Variants in NUBPL observed in about 807,000 individuals in gnomAD.
The protein encoded by NUBPL is iron-sulfur cluster transfer protein NUBPL.
A neutral mutation model predicts 45.7 loss-of-function variants in NUBPL; 31 were observed. That is an observed-to-expected ratio of 0.68 (90% CI 0.51 to 0.92). NUBPL has a LOEUF of 0.92. NUBPL is among the 40% of genes least tolerant of loss of function. The probability of loss-of-function intolerance (pLI) is 0.00; values close to 1 mark genes in which losing one functional copy is unlikely to be tolerated. For synonymous variants in NUBPL, 144 were observed against 140.9 expected (o/e 1.02, Z -0.15); for missense variants, 401 against 398.7 (o/e 1.01, Z -0.05).
chr14:31,696,287 G>A (rs2037213302), intron 6 of NUBPL, among the ~76,000 whole-genome samples: 1 of 152,204 alleles, frequency 6.6e-6, no homozygotes, highest in Admixed American at 6.5e-5. Flanking sequence ...CTTTGGAAGA[G>A]GAAGGTACTT....
At chr14:31,717,607 G>A (rs2037717864) in intron 6 of NUBPL, among the ~76,000 whole-genome samples, 2 of 152,080 alleles carry the variant, frequency 1.3e-5, no homozygotes, top group Non-Finnish European at 2.9e-5. Flanking sequence ...TTAGAATTTT[G>A]AAGCTTGCTT....
intron 3 of NUBPL, among the ~76,000 whole-genome samples, chr14:31,583,628 A>C (rs1046387223): frequency 6.6e-6 from 1 of 152,220 alleles, no homozygotes; most frequent in Non-Finnish European, 1.5e-5. Context: ...GGCAATAGGA[A>C]CAATTTTAAG....
intron 4 of NUBPL, among the ~76,000 whole-genome samples, chr14:31,660,121 C>T (rs556700616): frequency 7.8e-4 from 119 of 152,172 alleles, no homozygotes; most frequent in African/African-American, 2.7e-3. Flanking sequence ...CTGCTTCCTC[C>T]CTCATTTCCA....
intron 6 of NUBPL, among the ~76,000 whole-genome samples, chr14:31,721,655 G>A (rs1211323074): frequency 1.3e-5 from 2 of 151,528 alleles, no homozygotes; most frequent in Non-Finnish European, 2.9e-5. Context: ...TGTGGTACAT[G>A]TGCAGGTTTG....
chr14:31,604,409 A>T (rs2034528260), intron 4 of NUBPL, among the ~76,000 whole-genome samples: 1 of 152,218 alleles, frequency 6.6e-6, no homozygotes, highest in Non-Finnish European at 1.5e-5. Context: ...TACAGAAAAC[A>T]CAATACAATA....
At chr14:31,762,612 A>C (rs2038835750) in intron 6 of NUBPL, among the ~76,000 whole-genome samples, 1 of 152,188 alleles carries the variant, frequency 6.6e-6, no homozygotes, top group Non-Finnish European at 1.5e-5. Flanking sequence ...ATTTAGGAGT[A>C]TTCATGAAAG....
At chr14:31,741,826 TG>T (rs371806158) in intron 6 of NUBPL, among the ~76,000 whole-genome samples, 18,664 of 151,878 alleles carry the variant, frequency 0.12, 3,042 homozygotes, top group African/African-American at 0.38. Context: ...GGCACTGGTT[TG>T]CCCTGTGACC....
intron 8 of NUBPL, 36 bp downstream of exon 8, chr14:31,826,750 ACT>A: frequency 6.5e-7 from 1 of 1,548,500 alleles, no homozygotes; most frequent in Non-Finnish European, 8.9e-7. Flanking sequence ...AAAATATAAA[ACT>A]CTTCTAACTG....
chr14:31,698,440 T>C (rs767848972), intron 6 of NUBPL, among the ~76,000 whole-genome samples: 31 of 152,128 alleles, frequency 2.0e-4, no homozygotes, highest in Admixed American at 4.6e-4. Flanking sequence ...TCCTCTTTTA[T>C]GCCCTCATCA....
intron 6 of NUBPL, among the ~76,000 whole-genome samples, chr14:31,738,365 T>C (rs575691436): frequency 6.6e-6 from 1 of 152,202 alleles, no homozygotes; most frequent in Non-Finnish European, 1.5e-5. Flanking sequence ...TCAGTGATTA[T>C]GTCATGTGAA....
intron 6 of NUBPL, among the ~76,000 whole-genome samples, chr14:31,726,580 G>A (rs1236510924): frequency 2.6e-5 from 4 of 152,154 alleles, no homozygotes; most frequent in African/African-American, 9.7e-5. Context: ...TAAGCTATAT[G>A]AAAGCAGAGA....
rs2033757862 is a variant in NUBPL, at chr14:31,577,906, C to G, written c.291+12858C>G. 3.2e-5 allele frequency: 40 copies of G among 1,245,072 alleles called. 1 individual carries two copies. In the South Asian group the frequency reaches 5.1e-4, roughly 16 times the overall value. The allele number at this position is 1,245,072 out of a possible 1,614,324, so 77.1% of individuals were successfully genotyped here. A position where few individuals can be genotyped will look rare whatever the true frequency, so the allele number is the denominator to read the frequency against. On this transcript the variant is annotated intron_variant, in intron 3 of 10. Transcript: ENST00000281081. Reference sequence around the variant, plus strand: ...GTTTCAAGTAATGTCATTTCCTCCTCTATTGGTTCATATGTTTATCTCATG... The same window carrying G: ...GTTTCAAGTAATGTCATTTCCTCCTGTATTGGTTCATATGTTTATCTCATG...
chr14:31,842,761 A>G (rs188359492), intron 8 of NUBPL, among the ~76,000 whole-genome samples: 3 of 152,298 alleles, frequency 2.0e-5, no homozygotes, highest in African/African-American at 2.4e-5. Flanking sequence ...TCAGTTATAC[A>G]TCCTTATTAG....
At chr14:31,709,744 G>C (rs546863187) in intron 6 of NUBPL, among the ~76,000 whole-genome samples, 12 of 152,302 alleles carry the variant, frequency 7.9e-5, no homozygotes, top group African/African-American at 2.9e-4. Context: ...CCCAGGTTGG[G>C]CCAAATTCCC....
At chr14:31,694,636 C>T (rs1353536512) in intron 6 of NUBPL, among the ~76,000 whole-genome samples, 1 of 152,212 alleles carries the variant, frequency 6.6e-6, no homozygotes, top group African/African-American at 2.4e-5. Flanking sequence ...CTGCCTCAAC[C>T]TCCTGAGTAG....
intron 4 of NUBPL, among the ~76,000 whole-genome samples, chr14:31,633,031 G>C (rs2035385558): frequency 6.6e-6 from 1 of 152,164 alleles, no homozygotes; most frequent in African/African-American, 2.4e-5. Flanking sequence ...CTCAGTGTGA[G>C]GCATTCTTTG....
intron 7 of NUBPL, among the ~76,000 whole-genome samples, chr14:31,822,642 T>A (rs1379137888): frequency 6.6e-6 from 1 of 152,092 alleles, no homozygotes; most frequent in Non-Finnish European, 1.5e-5. Flanking sequence ...AAGGACTTAA[T>A]CATTAATTAA....
At chr14:31,755,985 G>GT in intron 6 of NUBPL, among the ~76,000 whole-genome samples, 1 of 152,160 alleles carries the variant, frequency 6.6e-6, no homozygotes. Flanking sequence ...TTTTTCTCAG[G>GT]TTTGTCAAAG....
intron 3 of NUBPL, among the ~76,000 whole-genome samples, chr14:31,574,582 C>CTTTTTTTTT (rs71115022): frequency 1.5e-5 from 1 of 66,906 alleles, no homozygotes; most frequent in Non-Finnish European, 2.7e-5. Context: ...TTCTTTCCTT[C>CTTTTTTTTT]TTTTTTTTTT....
Sources: allele counts gnomAD v4.1 joint callset (sites outside exome capture counted in the v4.1 genomes callset), GRCh38; gene constraint gnomAD v4.1.1; transcripts MANE v1.5; gene names NCBI Gene and HGNC (gene_info 2026-07-23, HGNC 2026-07-21).